ARPP21: variants seen among roughly 807,000 people sequenced by gnomAD.
The protein encoded by ARPP21 is cAMP-regulated phosphoprotein 21.
ARPP21 carries 69 observed loss-of-function variants against 113.2 expected under a neutral mutation model. The observed-to-expected ratio is 0.61, with a 90% CI of 0.50 to 0.74. The LOEUF is 0.74. ARPP21 is among the 30% of genes least tolerant of loss of function. The pLI, the probability that ARPP21 is intolerant of heterozygous loss-of-function variation, is 0.00. For missense variants in ARPP21, 1,070 were observed against 1,037.4 expected (o/e 1.03, Z -0.43); for synonymous variants, 368 against 375.5 (o/e 0.98, Z 0.23).
At chr3:35,768,542 A>G (rs1576831236) in intron 19 of ARPP21, among the ~76,000 whole-genome samples, 1 of 152,336 alleles carries the variant, frequency 6.6e-6, no homozygotes, top group East Asian at 1.9e-4. Context: ...ACTAATTTCA[A>G]TAGTAGTGTG....
chr3:35,696,467 C>A lies in ARPP21; in HGVS notation c.686+5462C>A, dbSNP rs76234388. ...ACACTTTTTGGTCTACAAATTGGGT[C>A]TTAATAGCTGGGACTCCTGTAACAA... On this transcript the variant is annotated intron_variant, in intron 9 of 20. Coordinates refer to ENST00000684406, the MANE Select transcript of ARPP21 (RefSeq NM_001385562.1). Among the ~76,000 whole-genome samples the A allele has an allele frequency of 4.0e-3, 605 of 151,620 alleles. 3 individuals are homozygous for A. The highest frequency in any genetic ancestry group is 5.2e-3 in the Non-Finnish European group (352 of 67,670).
At chr3:35,703,232 T>C (rs2087193551) in intron 9 of ARPP21, among the ~76,000 whole-genome samples, 1 of 151,796 alleles carries the variant, frequency 6.6e-6, no homozygotes, top group African/African-American at 2.4e-5. Context: ...TAAGAAAGAT[T>C]AAAAATACTA....
At chr3:35,763,585 G>A (rs768373889) in intron 19 of ARPP21, among the ~76,000 whole-genome samples, 2 of 152,034 alleles carry the variant, frequency 1.3e-5, no homozygotes, top group African/African-American at 2.4e-5. Flanking sequence ...GAGCTTGGAC[G>A]GTCACTAGAA....
chr3:35,753,001 G>C (rs2095451380), intron 19 of ARPP21, among the ~76,000 whole-genome samples: 1 of 150,996 alleles, frequency 6.6e-6, no homozygotes, highest in African/African-American at 2.4e-5. Flanking sequence ...ATAAATGCAT[G>C]AATAACATGT....
intron 15 of ARPP21, 132 bp from the exon 16 acceptor site, chr3:35,737,045 GT>G: frequency 3.3e-6 from 2 of 599,542 alleles, no homozygotes; most frequent in Non-Finnish European, 6.1e-6. Flanking sequence ...ATTGGTGAAG[GT>G]TTTGGGGTCT....
In ARPP21 at chr3:35,745,343, C is replaced by T. The variant is rs146479457; in HGVS notation, c.2137+1378C>T. The stretch of plus-strand genomic sequence containing the variant: ...TCTGGACTATCTTATTTTATGCTAA[C>T]GTTAATTAAAGGGTTAATTTACAAT... On this transcript the variant is annotated intron_variant, in intron 19 of 20. Transcript: ENST00000684406. Among the ~76,000 whole-genome samples, 116 of 152,212 alleles carry T rather than the reference C, an allele frequency of 7.6e-4. 1 individual carries two copies. The highest frequency in any genetic ancestry group is 2.6e-3 in the African/African-American group (106 of 41,538).
chr3:35,706,842 C>T lies in ARPP21; in HGVS notation c.687-132C>T. The T allele has an allele frequency of 6.4e-6, 4 of 626,304 alleles. No individual in the cohort carries two copies. In the East Asian group the frequency reaches 8.3e-5, roughly 13 times the overall value. The allele number at this position is 626,304 out of a possible 1,614,324, so 38.8% of individuals were successfully genotyped here. ...ATATTATTACCTACCTGTATATTGC[C>T]AGCAACTCTAGTATGAAAACCACTT... On this transcript the variant is annotated intron_variant, in intron 9 of 20. Transcript: ENST00000684406.
At chr3:35,745,530 GT>G (rs1421056433) in intron 19 of ARPP21, among the ~76,000 whole-genome samples, 2 of 152,148 alleles carry the variant, frequency 1.3e-5, no homozygotes, top group Non-Finnish European at 2.9e-5. Flanking sequence ...GTGGTAGAGT[GT>G]CATCATACAA....
intron 1 of ARPP21, among the ~76,000 whole-genome samples, chr3:35,676,819 G>C (rs2077612896): frequency 6.6e-6 from 1 of 151,768 alleles, no homozygotes; most frequent in Non-Finnish European, 1.5e-5. Flanking sequence ...TAATTTTAAA[G>C]GTTCAAAATC....
At chr3:35,763,083 T>C (rs993398437) in intron 19 of ARPP21, among the ~76,000 whole-genome samples, 1 of 152,130 alleles carries the variant, frequency 6.6e-6, no homozygotes, top group Admixed American at 6.6e-5. Flanking sequence ...CAGTTAAACA[T>C]GGGGAACCAC....
At chr3:35,770,396 G>A (rs2096155885) in intron 19 of ARPP21, among the ~76,000 whole-genome samples, 1 of 152,154 alleles carries the variant, frequency 6.6e-6, no homozygotes, top group African/African-American at 2.4e-5. Context: ...ACAGTTTGAT[G>A]CTTTCATAGC....
Position 35,759,164 on chromosome 3 carries a change from G to A in ARPP21, c.2137+15199G>A, listed in dbSNP as rs1409703351. 2.6e-5 allele frequency among the ~76,000 whole-genome samples: 4 copies of A among 152,068 alleles called. No homozygotes were observed. The South Asian group carries it at 6.2e-4, about 24-fold the overall frequency. On this transcript the variant is annotated intron_variant, in intron 19 of 20. Coordinates refer to ENST00000684406, the MANE Select transcript of ARPP21 (RefSeq NM_001385562.1). ...TATATTAAAAATTGGCAAGACAAAC[G>A]TAGGTATATGAACTTACAGATAGAA...
chr3:35,721,559 T>G (rs2093075386), intron 13 of ARPP21, 46 bp from the exon 14 acceptor site: 1 of 1,107,512 alleles, frequency 9.0e-7, no homozygotes, highest in Non-Finnish European at 1.4e-6. Flanking sequence ...ACCATGCATG[T>G]AAGGTAATCC....
intron 15 of ARPP21, among the ~76,000 whole-genome samples, chr3:35,736,636 C>T (rs569952157): frequency 8.5e-4 from 130 of 152,166 alleles, no homozygotes; most frequent in Non-Finnish European, 1.7e-3. Flanking sequence ...ATGTCTATTT[C>T]GAGAAATGAG....
At chr3:35,661,761 A>G (rs1005386487) in intron 1 of ARPP21, among the ~76,000 whole-genome samples, 1 of 152,152 alleles carries the variant, frequency 6.6e-6, no homozygotes, top group African/African-American at 2.4e-5. Context: ...CTTTGTATTT[A>G]TTGTGTTACC....
chr3:35,757,242 T>C (rs1047509609), intron 19 of ARPP21, among the ~76,000 whole-genome samples: 7 of 150,706 alleles, frequency 4.6e-5, no homozygotes, highest in Admixed American at 2.6e-4. Flanking sequence ...AAAAAAAAAA[T>C]TGTAAAGATA....
At position 35,757,780 on chromosome 3, in the gene ARPP21, T is replaced by C. The variant is rs546980775; in HGVS notation, c.2137+13815T>C. ...TGCATGTTGTAGATTTAAACATGTA[T>C]TGTGATCATAGAGTATCGCAATTTC... is the stretch of plus-strand genomic sequence containing the variant. On this transcript the variant is annotated intron_variant, in intron 19 of 20. Coordinates refer to ENST00000684406, the MANE Select transcript of ARPP21 (RefSeq NM_001385562.1). Among the ~76,000 whole-genome samples, 13 of 152,268 alleles carry C rather than the reference T, an allele frequency of 8.5e-5. 1 individual carries two copies. In the South Asian group the frequency reaches 2.7e-3, roughly 31 times the overall value.
At chr3:35,689,286 C>G (rs1214237819) in intron 6 of ARPP21, 21 bp from the exon 7 acceptor site, 1 of 1,193,544 alleles carries the variant, frequency 8.4e-7, no homozygotes, top group Non-Finnish European at 1.3e-6. Context: ...CCTGACAGCT[C>G]CGTCCTGCTA....
chr3:35,710,219 A>G (rs1034731912), intron 11 of ARPP21, among the ~76,000 whole-genome samples: 5 of 152,032 alleles, frequency 3.3e-5, no homozygotes, highest in African/African-American at 1.2e-4. Context: ...AGAGAGGGAG[A>G]TGGAAGTTAC....
Sources: gnomAD v4.1 joint callset for allele counts (sites outside exome capture counted in the v4.1 genomes callset) on GRCh38, gnomAD v4.1.1 for gene constraint, MANE v1.5 for transcripts, NCBI Gene and HGNC (gene_info 2026-07-23, HGNC 2026-07-21) for gene names.